KCNQ3: variants seen among roughly 807,000 people sequenced by gnomAD.
The protein encoded by KCNQ3 is potassium voltage-gated channel subfamily Q member 3, also known as potassium voltage-gated channel subfamily KQT member 3.
Under a neutral mutation model 92.5 loss-of-function variants are expected in KCNQ3, and 30 were observed. The ratio of observed to expected loss-of-function variants is 0.32; its 90% CI spans 0.24 to 0.44. KCNQ3 has a LOEUF of 0.44. KCNQ3 is among the 20% of genes least tolerant of loss of function. The probability of loss-of-function intolerance (pLI) is 1.00; values close to 1 mark genes in which losing one functional copy is unlikely to be tolerated. For synonymous variants in KCNQ3, 450 were observed against 468.8 expected (o/e 0.96, Z 0.52); for missense variants, 913 against 1,140.3 (o/e 0.80, Z 2.87).
chr8:132,351,331 T>C (rs139787630), intron 1 of KCNQ3, among the ~76,000 whole-genome samples: 1 of 152,320 alleles, frequency 6.6e-6, no homozygotes, highest in Non-Finnish European at 1.5e-5. Flanking sequence ...ACCATTCCCC[T>C]TCTTCCTTTC....
intron 1 of KCNQ3, among the ~76,000 whole-genome samples, chr8:132,307,134 C>T (rs1308807094): frequency 6.6e-6 from 1 of 152,148 alleles, no homozygotes; most frequent in African/African-American, 2.4e-5. Flanking sequence ...AAACTTGGAG[C>T]CTGAGTTTGT....
At chr8:132,306,372 G>A (rs1335790577) in intron 1 of KCNQ3, among the ~76,000 whole-genome samples, 1 of 152,052 alleles carries the variant, frequency 6.6e-6, no homozygotes, top group African/African-American at 2.4e-5. Context: ...GAAAAACTTG[G>A]CCAAAAAATC....
At chr8:132,222,819 A>G (rs151097547) in intron 1 of KCNQ3, among the ~76,000 whole-genome samples, 192 of 152,354 alleles carry the variant, frequency 1.3e-3, no homozygotes, top group African/African-American at 4.5e-3. Context: ...TTACATAGTT[A>G]TGTGCTTAAT....
intron 1 of KCNQ3, among the ~76,000 whole-genome samples, chr8:132,391,499 G>A (rs1342251283): frequency 1.3e-5 from 2 of 152,080 alleles, no homozygotes; most frequent in African/African-American, 4.8e-5. Flanking sequence ...AGGTGGCCGG[G>A]TAATGGCACT....
Position 132,480,453 on chromosome 8 carries a change from T to G in KCNQ3, c.80A>C (p.Asn27Thr). The G allele has an allele frequency of 7.6e-7, 1 of 1,314,472 alleles. No homozygotes were observed. Among genetic ancestry groups the G allele is most frequent in the Non-Finnish European group, 9.7e-7 (1 of 1,034,904 alleles). 81.4% of individuals were successfully genotyped at this position (1,314,472 alleles called of 1,614,324 possible). Residue 27 changes from asparagine to threonine, a missense_variant, in exon 1 of 15, where the codon AAC becomes ACC. Asn to Thr is a moderately conservative substitution (Grantham distance 65, BLOSUM62 0). Around this residue, in one of 6 missense-constraint regions of KCNQ3, gnomAD observed 183 missense variants for 167.7 expected, o/e 1.09. Transcript: ENST00000388996. ...CGCCGCCGCGTCCCCTCCGGCTGGG[T>G]TAGCCGCCCCGCCGCCTCCGCCGCC... is the stretch of plus-strand genomic sequence containing the variant. ...DGGGGGGGAA[N>T]PAGGDAAAAG...
intron 1 of KCNQ3, among the ~76,000 whole-genome samples, chr8:132,454,816 A>G (rs1821901788): frequency 6.6e-6 from 1 of 152,246 alleles, no homozygotes; most frequent in Non-Finnish European, 1.5e-5. Flanking sequence ...AACAAATGAC[A>G]TATACACATA....
intron 1 of KCNQ3, among the ~76,000 whole-genome samples, chr8:132,220,172 C>T (rs1372512163): frequency 6.6e-6 from 1 of 152,164 alleles, no homozygotes; most frequent in African/African-American, 2.4e-5. Flanking sequence ...CCTGCAATTC[C>T]AAGAATAAAG....
At chr8:132,479,002 T>C (rs1822477256) in intron 1 of KCNQ3, among the ~76,000 whole-genome samples, 2 of 151,968 alleles carry the variant, frequency 1.3e-5, no homozygotes, top group African/African-American at 2.4e-5. Flanking sequence ...GCCAAGGTCA[T>C]AGGCAATTCC....
chr8:132,136,143 AAAAG>A (rs1479617913), intron 12 of KCNQ3, among the ~76,000 whole-genome samples: 4 of 149,632 alleles, frequency 2.7e-5, no homozygotes, highest in African/African-American at 7.4e-5. Flanking sequence ...AAAAAAAAAA[AAAAG>A]AAAAGAGAAA....
At chr8:132,291,548 C>T (rs183916503) in intron 1 of KCNQ3, among the ~76,000 whole-genome samples, 18 of 152,344 alleles carry the variant, frequency 1.2e-4, no homozygotes, top group African/African-American at 4.3e-4. Context: ...TTCTGAACCA[C>T]ATGCAACCAC....
chr8:132,288,037 T>C (rs543432533), intron 1 of KCNQ3, among the ~76,000 whole-genome samples: 3 of 152,360 alleles, frequency 2.0e-5, no homozygotes, highest in Non-Finnish European at 4.4e-5. Flanking sequence ...TTTTGTTCAC[T>C]ATTTCCTTCT....
chr8:132,148,731 C>G (rs1825540187), intron 9 of KCNQ3, among the ~76,000 whole-genome samples: 1 of 152,230 alleles, frequency 6.6e-6, no homozygotes, highest in Non-Finnish European at 1.5e-5. Flanking sequence ...GGTGAATTCA[C>G]TCTCTTTGTT....
chr8:132,369,170 T>C (rs776470158), intron 1 of KCNQ3, among the ~76,000 whole-genome samples: 2 of 152,118 alleles, frequency 1.3e-5, no homozygotes, highest in Non-Finnish European at 2.9e-5. Flanking sequence ...ATATCAAGAG[T>C]ACATACTATT....
intron 1 of KCNQ3, among the ~76,000 whole-genome samples, chr8:132,201,888 G>A (rs1477055905): frequency 2.6e-5 from 4 of 152,144 alleles, no homozygotes; most frequent in South Asian, 2.1e-4. Flanking sequence ...GTCTCTGCCC[G>A]GGCCCCCAGG....
At chr8:132,468,160 T>C (rs1284680119) in intron 1 of KCNQ3, among the ~76,000 whole-genome samples, 1 of 152,230 alleles carries the variant, frequency 6.6e-6, no homozygotes, top group Non-Finnish European at 1.5e-5. Flanking sequence ...ATTTTTCAGA[T>C]TGGCATTACC....
At chr8:132,240,545 T>C (rs1230992231) in intron 1 of KCNQ3, among the ~76,000 whole-genome samples, 1 of 152,212 alleles carries the variant, frequency 6.6e-6, no homozygotes, top group Non-Finnish European at 1.5e-5. Flanking sequence ...CTCCCCTGTG[T>C]AGTTATCCTA....
chr8:132,147,237 C>T (rs2436144), intron 9 of KCNQ3, among the ~76,000 whole-genome samples: 80,706 of 151,968 alleles, frequency 0.53, 21,694 homozygotes, highest in African/African-American at 0.58. Context: ...TATTCCCTGA[C>T]GGGTTCTAGA....
At chr8:132,209,481 T>C (rs1039051603) in intron 1 of KCNQ3, among the ~76,000 whole-genome samples, 1 of 152,092 alleles carries the variant, frequency 6.6e-6, no homozygotes, top group Non-Finnish European at 1.5e-5. Context: ...GTTCTAGGCC[T>C]GTTCATTGTC....
intron 1 of KCNQ3, among the ~76,000 whole-genome samples, chr8:132,258,375 T>C (rs925081688): frequency 2.6e-5 from 4 of 152,046 alleles, no homozygotes; most frequent in African/African-American, 9.7e-5. Context: ...TTCATAAATA[T>C]ATGAAAATAA....
Sources: allele counts gnomAD v4.1 joint callset (sites outside exome capture counted in the v4.1 genomes callset), GRCh38; gene constraint gnomAD v4.1.1; regional missense constraint gnomAD v4.1.1; transcripts MANE v1.5; gene names NCBI Gene and HGNC (gene_info 2026-07-23, HGNC 2026-07-21).